The following USP37 variants were observed in gnomAD, a reference collection of about 807,000 sequenced individuals.
USP37 encodes the protein ubiquitin carboxyl-terminal hydrolase 37.
A neutral mutation model predicts 124.0 loss-of-function variants in USP37; 27 were observed. That is an observed-to-expected ratio of 0.22 (90% CI 0.16 to 0.30). The LOEUF (loss-of-function observed/expected upper bound fraction) is 0.30, where lower values mean the gene tolerates loss of function less well. USP37 is among the 10% of genes least tolerant of loss of function. The pLI is 1.00. For missense variants in USP37, 889 were observed against 1,140.4 expected, an observed-to-expected ratio of 0.78 and a Z score of 3.17; for synonymous variants, 365 against 388.0, an observed-to-expected ratio of 0.94 and a Z score of 0.70.
At chr2:218,507,433 C>G (rs530241995) in intron 11 of USP37, among the ~76,000 whole-genome samples, 68 of 152,302 alleles carry the variant, frequency 4.5e-4, no homozygotes, top group African/African-American at 1.4e-3. Context: ...GCTGGGATTA[C>G]AGGTGTGAGC....
At chr2:218,522,252 T>C (rs976604083) in intron 10 of USP37, among the ~76,000 whole-genome samples, 2 of 152,012 alleles carry the variant, frequency 1.3e-5, no homozygotes, top group Admixed American at 6.6e-5. Flanking sequence ...GCTATTCTTA[T>C]AAGCTTACTT....
rs548567351 is a variant in USP37 at position 218,526,915 on chromosome 2, A to AGTAGCT, written c.863+3035_863+3040dup. On this transcript the variant is annotated intron_variant, in intron 10 of 25. Coordinates refer to ENST00000258399, the MANE Select transcript of USP37 (RefSeq NM_020935.3). ...GCCATTCACCCGCCTCAGCCTCCCG[A>AGTAGCT]GTAGCTGGGACTACAGGCGCCCGCC... is the stretch of plus-strand genomic sequence containing the variant. Among the ~76,000 whole-genome samples, 240 of 149,946 alleles carry AGTAGCT rather than the reference A, an allele frequency of 1.6e-3. 6 individuals are homozygous for AGTAGCT. In the South Asian group the frequency reaches 0.049, roughly 31 times the overall value.
chr2:218,455,488 T>C, intron 25 of USP37, 92 bp downstream of exon 25: 1 of 1,488,048 alleles, frequency 6.7e-7, no homozygotes, highest in Non-Finnish European at 8.9e-7. Flanking sequence ...AATCAACTGA[T>C]GGAAACATTT....
chr2:218,467,217 T>A (rs1455844023), intron 20 of USP37, among the ~76,000 whole-genome samples: 5 of 137,846 alleles, frequency 3.6e-5, no homozygotes, highest in Non-Finnish European at 6.2e-5. Flanking sequence ...TGGAGTGCAG[T>A]GGCTCACTGC....
chr2:218,458,642 T>C (rs1413612690), intron 23 of USP37, among the ~76,000 whole-genome samples: 2 of 152,132 alleles, frequency 1.3e-5, no homozygotes, highest in South Asian at 2.1e-4. Context: ...TCCCAACTTA[T>C]TATCATAGTG....
chr2:218,529,469 G>A (rs1474216357), intron 10 of USP37, among the ~76,000 whole-genome samples: 2 of 130,234 alleles, frequency 1.5e-5, no homozygotes, highest in East Asian at 4.1e-4. Context: ...GCGAGACTTG[G>A]TCTCAAACAA....
chr2:218,514,885 T>C (rs1342191905), intron 10 of USP37, among the ~76,000 whole-genome samples: 1 of 152,222 alleles, frequency 6.6e-6, no homozygotes, highest in Non-Finnish European at 1.5e-5. Flanking sequence ...CAGACATATT[T>C]ATTTTTTTTC....
At chr2:218,495,021 C>T (rs1688999148) in intron 14 of USP37, among the ~76,000 whole-genome samples, 1 of 149,814 alleles carries the variant, frequency 6.7e-6, no homozygotes, top group Non-Finnish European at 1.5e-5. Flanking sequence ...CGATATTCTA[C>T]AATGGAAAAG....
intron 10 of USP37, among the ~76,000 whole-genome samples, chr2:218,529,179 C>A (rs1691158771): frequency 6.6e-6 from 1 of 152,202 alleles, no homozygotes. Context: ...ACTACAGGCA[C>A]ACGGCACCAT....
chr2:218,558,950 T>C (rs1693170266), intron 3 of USP37, among the ~76,000 whole-genome samples: 1 of 151,862 alleles, frequency 6.6e-6, no homozygotes, highest in Non-Finnish European at 1.5e-5. Context: ...AAAGTGTTGA[T>C]TATTCTCTTC....
intron 14 of USP37, among the ~76,000 whole-genome samples, chr2:218,490,037 T>C (rs1473795789): frequency 2.0e-5 from 3 of 152,174 alleles, no homozygotes; most frequent in Non-Finnish European, 4.4e-5. Context: ...GTTGGCTATA[T>C]AAGTAATGCT....
Position 218,524,301 on chromosome 2 carries a change from T to C in USP37, c.863+5655A>G, listed in dbSNP as rs140339406. Among the ~76,000 whole-genome samples, 55 of 152,316 alleles carry C rather than the reference T, an allele frequency of 3.6e-4. 1 individual carries two copies. Among genetic ancestry groups the C allele is most frequent in the Middle Eastern group, 6.8e-3 (2 of 294 alleles). On this transcript the variant is annotated intron_variant, in intron 10 of 25. Coordinates refer to ENST00000258399, the MANE Select transcript of USP37 (RefSeq NM_020935.3). ...TTTTGTAGAGATGGGGGTCTTGCTATCTTGCCAAGACTAGTCTTGAACTCC... is the reference window on the plus strand; with the variant it reads ...TTTTGTAGAGATGGGGGTCTTGCTACCTTGCCAAGACTAGTCTTGAACTCC...
Position 218,451,108 on chromosome 2 carries a change from CA to C in USP37, c.*3821del, listed in dbSNP as rs1392487074. ...TGTTAATAAGACATATCAGTAGAGA[CA>C]AAATTAGGATTTTGAAGTAATGCAA... On this transcript the variant is annotated 3_prime_UTR_variant, in exon 26 of 26. Coordinates refer to ENST00000258399, the MANE Select transcript of USP37 (RefSeq NM_020935.3). 2.0e-5 allele frequency: 3 copies of C among 151,956 alleles called. No homozygotes were observed. Among genetic ancestry groups the C allele is most frequent in the African/African-American group, 7.3e-5 (3 of 41,336 alleles). 9.4% of individuals were successfully genotyped at this position (151,956 alleles called of 1,614,324 possible). A position where few individuals can be genotyped will look rare whatever the true frequency, so the allele number is the denominator to read the frequency against.
In USP37 at chr2:218,518,727, C is replaced by T. The variant is rs146023044; in HGVS notation, c.864-8587G>A. 6.0e-3 allele frequency among the ~76,000 whole-genome samples: 914 copies of T among 152,296 alleles called. 10 individuals carry two copies. Among genetic ancestry groups the T allele is most frequent in the African/African-American group, 0.02 (842 of 41,562 alleles). On this transcript the variant is annotated intron_variant, in intron 10 of 25. Transcript: ENST00000258399. ...AATCTTCTGAATCATTTTTCCCACC[C>T]AGGGTCATAGATTTTTCAGTTTTTC...
chr2:218,520,094 T>A (rs1690521627), intron 10 of USP37, among the ~76,000 whole-genome samples: 1 of 151,228 alleles, frequency 6.6e-6, no homozygotes, highest in African/African-American at 2.4e-5. Context: ...TGTGCCACCA[T>A]GCCTGCCTAA....
rs781776340 is a variant in USP37, at chr2:218,466,026, T to C, written c.2450A>G (p.Gln817Arg). 6 of 1,610,644 alleles carry C rather than the reference T, an allele frequency of 3.7e-6. No homozygotes were observed. In the Admixed American group the frequency reaches 5.1e-5, roughly 14 times the overall value. The change falls in exon 21 of 26, where the codon CAG (glutamine) becomes CGG (arginine). Residue 817 changes from glutamine to arginine, a missense_variant. Transcript: ENST00000258399. Reference sequence around the variant, plus strand: ...ATCTCTTACTTGCTCTTGAAGGCTCTGAGCCAGTGCCTGCTGAAGCTCTTG... The same window carrying C: ...ATCTCTTACTTGCTCTTGAAGGCTCCGAGCCAGTGCCTGCTGAAGCTCTTG... ...EEQELQQALA[Q>R]SLQEQEAWEQ... is the part of the protein sequence containing the mutation.
chr2:218,515,972 C>CA (rs1378313691), intron 10 of USP37, among the ~76,000 whole-genome samples: 40 of 152,036 alleles, frequency 2.6e-4, no homozygotes, highest in Non-Finnish European at 4.7e-4. Context: ...GAATGCAAAT[C>CA]AAAACCACAA....
intron 19 of USP37, 25 bp downstream of exon 19, chr2:218,476,815 G>T: frequency 6.3e-7 from 1 of 1,586,066 alleles, no homozygotes; most frequent in East Asian, 2.3e-5. Flanking sequence ...ATCTTTGTCA[G>T]ATGTTTTAAG....
chr2:218,544,406 A>AAATAT (rs1312705279), intron 8 of USP37, among the ~76,000 whole-genome samples: 7 of 82,998 alleles, frequency 8.4e-5, no homozygotes, highest in Non-Finnish European at 1.2e-4. Context: ...AAAAAAAAAA[A>AAATAT]ATATATATAT....
Sources: gnomAD v4.1 joint callset for allele counts (sites outside exome capture counted in the v4.1 genomes callset) on GRCh38, gnomAD v4.1.1 for gene constraint, MANE v1.5 for transcripts, NCBI Gene and HGNC (gene_info 2026-07-23, HGNC 2026-07-21) for gene names.